Variants in SELP observed in about 807,000 individuals in gnomAD.
SELP encodes the protein selectin P.
SELP carries 92 observed loss-of-function variants against 104.1 expected under a neutral mutation model. That is an observed-to-expected ratio of 0.88 (90% CI 0.75 to 1.05). The LOEUF (loss-of-function observed/expected upper bound fraction) is 1.05. SELP is among the 50% of genes least tolerant of loss of function. The pLI is 0.00. For synonymous variants in SELP, 397 were observed against 364.5 expected (o/e 1.09, Z -1.01); for missense variants, 1,022 against 1,017.3 (o/e 1.00, Z -0.06).
At position 169,619,922 on chromosome 1, in the gene SELP, G is replaced by T. The variant is rs183876950; in HGVS notation, c.4-703C>A. On this transcript the variant is annotated intron_variant, in intron 1 of 16. Transcript: ENST00000263686. ...TGAATATTTTTAAAATGTTTTTGGGGCCAGGCACAGTGGCTCATGCCTGTA... is the reference window on the plus strand; with the variant it reads ...TGAATATTTTTAAAATGTTTTTGGGTCCAGGCACAGTGGCTCATGCCTGTA... 1.1e-3 allele frequency among the ~76,000 whole-genome samples: 171 copies of T among 152,154 alleles called. 2 individuals are homozygous for T. Among genetic ancestry groups the T allele is most frequent in the African/African-American group, 4.0e-3 (164 of 41,484 alleles).
chr1:169,601,061 A>T (rs1369547043), intron 10 of SELP, among the ~76,000 whole-genome samples: 1 of 152,250 alleles, frequency 6.6e-6, no homozygotes, highest in East Asian at 1.9e-4. Context: ...TGCCTACATG[A>T]TTTAAAATGT....
In SELP at chr1:169,617,184, C is replaced by G; in HGVS notation, c.325G>C (p.Ala109Pro). The G allele has an allele frequency of 6.2e-7, 1 of 1,614,012 alleles. No individual in the cohort carries two copies. Among genetic ancestry groups the G allele is most frequent in the Non-Finnish European group, 8.5e-7 (1 of 1,179,986 alleles). ...CAGTTCTCAGCCTCGTTGGTGAGAG[C>G]CTTTTTGGTTCCCACCCATGTCCAT... ...KTWTWVGTKKALTNEAENWAD... is the reference protein window; with the variant it reads ...KTWTWVGTKKPLTNEAENWAD... Residue 109 changes from alanine to proline, a missense_variant, in exon 3 of 17, where the codon GCT becomes CCT. Coordinates refer to ENST00000263686, the MANE Select transcript of SELP (RefSeq NM_003005.4).
At chr1:169,616,869 T>G (rs188800574) in intron 3 of SELP, among the ~76,000 whole-genome samples, 159 bp downstream of exon 3, 133 of 152,322 alleles carry the variant, frequency 8.7e-4, no homozygotes, top group African/African-American at 3.0e-3. Flanking sequence ...TCTTATATTC[T>G]TCAAGGTGCT....
intron 9 of SELP, among the ~76,000 whole-genome samples, chr1:169,606,539 T>C (rs905005605): frequency 6.6e-6 from 1 of 151,826 alleles, no homozygotes; most frequent in Non-Finnish European, 1.5e-5. Context: ...TTTACCATTA[T>C]ACCCTGTGGT....
intron 8 of SELP, among the ~76,000 whole-genome samples, chr1:169,608,183 A>G (rs1481282199): frequency 1.4e-5 from 2 of 143,926 alleles, no homozygotes; most frequent in East Asian, 4.0e-4. Context: ...TTTTTATTAT[A>G]GTGAGATATA....
chr1:169,616,928 C>T, intron 3 of SELP, 100 bp downstream of exon 3: 2 of 1,303,820 alleles, frequency 1.5e-6, no homozygotes, highest in Non-Finnish European at 2.1e-6. Flanking sequence ...CATGTCCTGC[C>T]TTTGTATCTT....
intron 10 of SELP, among the ~76,000 whole-genome samples, chr1:169,599,516 A>G (rs1265648609): frequency 2.0e-5 from 3 of 152,226 alleles, no homozygotes; most frequent in Non-Finnish European, 4.4e-5. Context: ...GAAAGTATAC[A>G]TGATTGCATC....
intron 7 of SELP, among the ~76,000 whole-genome samples, chr1:169,610,733 C>T (rs1265175653): frequency 2.6e-5 from 4 of 152,018 alleles, no homozygotes; most frequent in African/African-American, 9.7e-5. Flanking sequence ...GAGCTGAGAT[C>T]GTGCCACTGC....
chr1:169,612,338 T>G lies in SELP; in HGVS notation c.840A>C (p.Lys280Asn). 6.2e-7 allele frequency: 1 copy of G among 1,614,178 alleles called. No individual in the cohort carries two copies. The highest frequency in any genetic ancestry group is 8.5e-7 in the Non-Finnish European group (1 of 1,180,022). ...RGNMTCLHSA[K>N]AFQHQSSCSF... ...TGCAGCTAGACTGATGCTGGAATGC[T>G]TTTGCAGAATGAAGGCAGGTCATGT... The change falls in exon 6 of 17, where the codon AAA (lysine) becomes AAC (asparagine). Residue 280 changes from lysine (K) to asparagine (N), a missense_variant. Transcript: ENST00000263686.
At chr1:169,594,935 A>G in intron 12 of SELP, 58 bp from the exon 13 acceptor site, 1 of 1,493,690 alleles carries the variant, frequency 6.7e-7, no homozygotes, top group East Asian at 2.3e-5. Context: ...GAAAGAGATT[A>G]TAGTTTCTTT....
At chr1:169,609,833 T>C (rs1247786603) in intron 7 of SELP, 144 bp from the exon 8 acceptor site, 2 of 719,946 alleles carry the variant, frequency 2.8e-6, no homozygotes, top group African/African-American at 1.8e-5. Flanking sequence ...AAAGAGAGAC[T>C]GCCTGGAACA....
At chr1:169,611,414 C>A (rs1662523886) in intron 7 of SELP, 78 bp downstream of exon 7, 2 of 1,425,766 alleles carry the variant, frequency 1.4e-6, no homozygotes, top group African/African-American at 2.8e-5. Context: ...ATCACCCCGA[C>A]ACTGAGAGCC....
intron 10 of SELP, 107 bp from the exon 11 acceptor site, chr1:169,597,283 A>T: frequency 1.0e-6 from 1 of 993,228 alleles, no homozygotes; most frequent in Non-Finnish European, 1.4e-6. Flanking sequence ...TTAAGCACCT[A>T]TATTCCAGGT....
intron 3 of SELP, among the ~76,000 whole-genome samples, chr1:169,614,649 C>A (rs951068834): frequency 6.6e-6 from 1 of 152,120 alleles, no homozygotes. Context: ...AAAAGAATAT[C>A]CATATGTCAT....
rs756660006 is a variant in SELP at position 169,612,940 on chromosome 1, G to A, written c.764C>T (p.Pro255Leu). The A allele has an allele frequency of 7.4e-6, 12 of 1,611,066 alleles. No individual in the cohort carries two copies. The Admixed American group carries it at 1.5e-4, about 20-fold the overall frequency. Residue 255 changes from proline to leucine, a missense_variant, in exon 5 of 17, where the codon CCA becomes CTA. By Grantham distance (98) the Pro-to-Leu change is moderately conservative (BLOSUM62 -3). Coordinates refer to ENST00000263686, the MANE Select transcript of SELP (RefSeq NM_003005.4). ...TAAGGTCTACATACCTAAACACTGTGGAGGCTTATTTGTCCAGATTCCAGA... is the reference window on the plus strand; with the variant it reads ...TAAGGTCTACATACCTAAACACTGTAGAGGCTTATTTGTCCAGATTCCAGA... ...LASGIWTNKP[P>L]QCLAAQCPPL...
intron 14 of SELP, among the ~76,000 whole-genome samples, chr1:169,592,391 T>A (rs1661393456): frequency 6.6e-6 from 1 of 152,206 alleles, no homozygotes; most frequent in Admixed American, 6.5e-5. Flanking sequence ...GAGACCTATG[T>A]CAACAATAGA....
At position 169,593,488 on chromosome 1, in the gene SELP, G is replaced by A. The variant is rs1661440558; in HGVS notation, c.2407+117C>T. 43 of 772,004 alleles carry A rather than the reference G, an allele frequency of 5.6e-5. 1 individual carries two copies. In the South Asian group the frequency reaches 7.7e-4, roughly 14 times the overall value. 47.8% of individuals were successfully genotyped at this position (772,004 alleles called of 1,614,324 possible). ...GGCTTTATTTTCTTTTAATGCAAATGTTTTCCAACATGAACTACTGAAGTT... is the reference window on the plus strand; with the variant it reads ...GGCTTTATTTTCTTTTAATGCAAATATTTTCCAACATGAACTACTGAAGTT... On this transcript the variant is annotated intron_variant, in intron 14 of 16. Transcript: ENST00000263686.
chr1:169,624,253 T>C (rs1663269834), intron 1 of SELP, among the ~76,000 whole-genome samples: 1 of 152,174 alleles, frequency 6.6e-6, no homozygotes, highest in Admixed American at 6.5e-5. Flanking sequence ...TGCTCTGTCC[T>C]GTGTTACTAA....
rs530335361 is a variant in SELP, at chr1:169,612,219, T to C, written c.959A>G (p.Lys320Arg). The C allele has an allele frequency of 1.2e-6, 2 of 1,613,762 alleles. No homozygotes were observed. The highest frequency in any genetic ancestry group is 1.1e-5 in the South Asian group (1 of 91,048). ...CATCCCAACTACCTGAAACTCACCT[T>C]TACACACTGGGGCTGGGGCTGTCCA... is the stretch of plus-strand genomic sequence containing the variant. ...GVWTAPAPVC[K>R]AVQCQHLEAP... is the part of the protein sequence containing the mutation. The change falls in exon 6 of 17, where the codon AAA becomes AGA. Residue 320 changes from lysine to arginine, a missense_variant and splice_region_variant. By Grantham distance (26) the Lys-to-Arg change is conservative. Coordinates refer to ENST00000263686, the MANE Select transcript of SELP (RefSeq NM_003005.4).
Sources: gnomAD v4.1 joint callset for allele counts (sites outside exome capture counted in the v4.1 genomes callset) on GRCh38, gnomAD v4.1.1 for gene constraint, MANE v1.5 for transcripts, NCBI Gene and HGNC (gene_info 2026-07-23, HGNC 2026-07-21) for gene names.